Variants in KCNH1 observed in about 807,000 individuals in gnomAD.
The protein encoded by KCNH1 is voltage-gated delayed rectifier potassium channel KCNH1.
KCNH1 carries 27 observed loss-of-function variants against 69.2 expected under a neutral mutation model. That is an observed-to-expected ratio of 0.39 (90% CI 0.29 to 0.54). The LOEUF is 0.54. Among genes scored for constraint, KCNH1 ranks in the 20% least tolerant of loss-of-function variants. The probability of loss-of-function intolerance (pLI) is 0.68; values close to 1 mark genes in which losing one functional copy is unlikely to be tolerated. For missense variants in KCNH1, 798 were observed against 1,261.6 expected (o/e 0.63, Z 5.57); for synonymous variants, 456 against 487.7 (o/e 0.93, Z 0.86).
chr1:211,025,892 G>A (rs1218695730), intron 5 of KCNH1, among the ~76,000 whole-genome samples: 2 of 152,100 alleles, frequency 1.3e-5, no homozygotes, highest in African/African-American at 2.4e-5. Flanking sequence ...TGTGCTTAAT[G>A]CAATGCCCCC....
chr1:210,951,119 ATC>A (rs1332743053), intron 6 of KCNH1, among the ~76,000 whole-genome samples: 1 of 152,182 alleles, frequency 6.6e-6, no homozygotes, highest in East Asian at 1.9e-4. Context: ...TGCAGTGAGA[ATC>A]TCTGCAGACT....
At chr1:210,970,564 G>T (rs1688494507) in intron 6 of KCNH1, among the ~76,000 whole-genome samples, 1 of 152,098 alleles carries the variant, frequency 6.6e-6, no homozygotes. Flanking sequence ...AATAAATTGT[G>T]CTGGGAAAAC....
intron 7 of KCNH1, among the ~76,000 whole-genome samples, chr1:210,849,593 C>T (rs1290551297): frequency 6.6e-6 from 1 of 151,888 alleles, no homozygotes; most frequent in Admixed American, 6.6e-5. Context: ...CTCAAATTCC[C>T]GACCTCAGGT....
At chr1:211,130,137 G>C (rs1011955040) in intron 1 of KCNH1, among the ~76,000 whole-genome samples, 1 of 152,194 alleles carries the variant, frequency 6.6e-6, no homozygotes, top group African/African-American at 2.4e-5. Flanking sequence ...TTCCAACCAT[G>C]AATATAAAGA....
At chr1:211,127,647 C>A (rs577193511) in intron 1 of KCNH1, among the ~76,000 whole-genome samples, 12 of 152,222 alleles carry the variant, frequency 7.9e-5, no homozygotes, top group African/African-American at 2.6e-4. Flanking sequence ...TCTCAATGAC[C>A]CTGTTTTATT....
At chr1:210,899,646 A>T (rs1287820413) in intron 7 of KCNH1, among the ~76,000 whole-genome samples, 1 of 152,232 alleles carries the variant, frequency 6.6e-6, no homozygotes, top group Non-Finnish European at 1.5e-5. Context: ...CAAGCTCTCA[A>T]AATGTATTTG....
chr1:210,719,085 C>T (rs544585700), intron 10 of KCNH1, among the ~76,000 whole-genome samples: 4 of 152,062 alleles, frequency 2.6e-5, no homozygotes, highest in Admixed American at 2.0e-4. Context: ...TACGTGTGGC[C>T]GTTTAAATTA....
chr1:210,732,344 G>C (rs565796237), intron 10 of KCNH1, among the ~76,000 whole-genome samples: 1 of 152,150 alleles, frequency 6.6e-6, no homozygotes, highest in South Asian at 2.1e-4. Flanking sequence ...AGAGGTACCT[G>C]GGAGATAGTG....
rs572745327 is a variant in KCNH1, at chr1:211,122,501, A to T, written c.79+11366T>A. Among the ~76,000 whole-genome samples, 7 of 152,240 alleles carry T rather than the reference A, an allele frequency of 4.6e-5. No homozygotes were observed. The South Asian group carries it at 1.2e-3, about 27-fold the overall frequency. On this transcript the variant is annotated intron_variant, in intron 1 of 10. Coordinates refer to ENST00000271751, the MANE Select transcript of KCNH1 (RefSeq NM_172362.3). ...GTATATGCCCAAAGGAATATAAGCC[A>T]TTCTACTATAAAGACACATGCACAT...
At chr1:210,817,617 T>G (rs1157167492) in intron 7 of KCNH1, among the ~76,000 whole-genome samples, 1 of 152,114 alleles carries the variant, frequency 6.6e-6, no homozygotes. Context: ...TAAACACACA[T>G]GTCAACTGTG....
intron 6 of KCNH1, among the ~76,000 whole-genome samples, chr1:210,967,237 G>C (rs747197638): frequency 1.3e-5 from 2 of 152,052 alleles, no homozygotes; most frequent in Non-Finnish European, 2.9e-5. Context: ...ATGGGCTGAT[G>C]GGTGCAGCAA....
chr1:210,759,709 T>C (rs1683477147), intron 10 of KCNH1, among the ~76,000 whole-genome samples: 1 of 152,174 alleles, frequency 6.6e-6, no homozygotes, highest in African/African-American at 2.4e-5. Context: ...ACATGACTTA[T>C]TAGCATTCTC....
chr1:211,037,029 A>T (rs192565186), intron 5 of KCNH1, among the ~76,000 whole-genome samples: 10 of 152,340 alleles, frequency 6.6e-5, no homozygotes, highest in Admixed American at 5.2e-4. Flanking sequence ...TTCTGGAAGG[A>T]AAAAAGGGTT....
chr1:210,802,053 C>T (rs1007395263), intron 8 of KCNH1, among the ~76,000 whole-genome samples: 1 of 152,176 alleles, frequency 6.6e-6, no homozygotes, highest in South Asian at 2.1e-4. Flanking sequence ...CTTGTGCTTA[C>T]CCCCTTCAAG....
intron 10 of KCNH1, among the ~76,000 whole-genome samples, chr1:210,694,653 T>C (rs552841962): frequency 2.6e-5 from 4 of 152,364 alleles, no homozygotes; most frequent in Admixed American, 2.6e-4. Context: ...GGAGAGCCTC[T>C]GTTTTGTGAT....
intron 7 of KCNH1, among the ~76,000 whole-genome samples, chr1:210,844,012 A>C (rs1685481464): frequency 6.6e-6 from 1 of 152,162 alleles, no homozygotes; most frequent in African/African-American, 2.4e-5. Flanking sequence ...ACCACAAAGA[A>C]GGACTTCTGT....
intron 4 of KCNH1, among the ~76,000 whole-genome samples, chr1:211,090,269 T>C (rs1691028954): frequency 1.3e-5 from 2 of 152,214 alleles, no homozygotes. Flanking sequence ...CTTGAAAAGA[T>C]TCTGATGATA....
At chr1:210,733,947 TCTCACACACACACACA>T (rs1157458012) in intron 10 of KCNH1, among the ~76,000 whole-genome samples, 1,683 of 142,188 alleles carry the variant, frequency 0.012, 39 homozygotes, top group African/African-American at 0.041. Context: ...TGTCTGTCTG[TCTCACACACACACACA>T]CACACACACA....
intron 6 of KCNH1, among the ~76,000 whole-genome samples, chr1:211,003,555 C>T (rs1404306912): frequency 6.6e-6 from 1 of 152,032 alleles, no homozygotes; most frequent in Admixed American, 6.6e-5. Flanking sequence ...ATATCTTACC[C>T]AATGCATTAA....
Sources: allele counts gnomAD v4.1 joint callset (sites outside exome capture counted in the v4.1 genomes callset), GRCh38; gene constraint gnomAD v4.1.1; transcripts MANE v1.5; gene names NCBI Gene and HGNC (gene_info 2026-07-23, HGNC 2026-07-21).